Variants in RYR2 observed in about 807,000 individuals in gnomAD.
RYR2 encodes the protein cardiac muscle ryanodine receptor-calcium release channel.
In RYR2, 227 loss-of-function variants were observed where a neutral mutation model predicts 601.1. The ratio of observed to expected loss-of-function variants is 0.38; its 90% CI spans 0.34 to 0.42. The LOEUF (loss-of-function observed/expected upper bound fraction) is 0.42. RYR2 is among the 10% of genes least tolerant of loss of function. The pLI, the probability that RYR2 is intolerant of heterozygous loss-of-function variation, is 1.00. For synonymous variants in RYR2, 2,223 were observed against 2,175.1 expected (o/e 1.02, Z -0.61); for missense variants, 4,646 against 6,156.5 (o/e 0.75, Z 8.21).
rs1188477891 is a variant in RYR2, at chr1:237,427,384, AATAAT to A, written c.1005+4137_1005+4141del. 3.3e-5 allele frequency among the ~76,000 whole-genome samples: 5 copies of A among 152,240 alleles called. No individual in the cohort carries two copies. The East Asian group carries it at 9.6e-4, about 29-fold the overall frequency. On this transcript the variant is annotated intron_variant, in intron 12 of 104. Coordinates refer to ENST00000366574, the MANE Select transcript of RYR2 (RefSeq NM_001035.3). ...GGACTGTATCACAATTTAAAATTAA[AATAAT>A]TTCATATTTGGGCATGCAGCATAAA...
intron 16 of RYR2, among the ~76,000 whole-genome samples, chr1:237,463,335 A>G (rs1402119113): frequency 6.6e-6 from 1 of 152,080 alleles, no homozygotes; most frequent in Non-Finnish European, 1.5e-5. Context: ...TTGTTGCATA[A>G]ATTTTTAAAG....
At chr1:237,831,356 T>C (rs1304749834) in intron 103 of RYR2, among the ~76,000 whole-genome samples, 158 bp from the exon 104 acceptor site, 8 of 152,244 alleles carry the variant, frequency 5.3e-5, no homozygotes, top group African/African-American at 1.9e-4. Context: ...CCACAGCCTT[T>C]CCTCTTTCTG....
chr1:237,508,644 C>A (rs1022067850), intron 23 of RYR2, among the ~76,000 whole-genome samples: 1 of 151,182 alleles, frequency 6.6e-6, no homozygotes, highest in Admixed American at 6.6e-5. Context: ...AATATAAAGT[C>A]TCACTATTAT....
chr1:237,110,637 C>G (rs1669367319), intron 1 of RYR2, among the ~76,000 whole-genome samples: 1 of 152,146 alleles, frequency 6.6e-6, no homozygotes, highest in Non-Finnish European at 1.5e-5. Flanking sequence ...AGAACTCTCG[C>G]TCTAGGCAAA....
At chr1:237,437,343 C>T (rs1054120895) in intron 12 of RYR2, among the ~76,000 whole-genome samples, 5 of 152,060 alleles carry the variant, frequency 3.3e-5, no homozygotes, top group African/African-American at 7.2e-5. Context: ...TGAGCCACCG[C>T]GCCCAGCCAC....
chr1:237,138,231 C>A (rs986023049), intron 1 of RYR2, among the ~76,000 whole-genome samples: 3 of 151,928 alleles, frequency 2.0e-5, no homozygotes, highest in African/African-American at 7.3e-5. Context: ...CGAGGTTTTG[C>A]CATGTTGCCC....
At chr1:237,501,184 T>TTTC (rs1410547219) in intron 21 of RYR2, among the ~76,000 whole-genome samples, 2 of 151,982 alleles carry the variant, frequency 1.3e-5, no homozygotes, top group African/African-American at 4.8e-5. Context: ...TTTTTTTTTT[T>TTTC]TTTTTAGTTC....
chr1:237,657,563 T>C (rs1683372068), intron 53 of RYR2, among the ~76,000 whole-genome samples: 1 of 151,872 alleles, frequency 6.6e-6, no homozygotes, highest in Non-Finnish European at 1.5e-5. Context: ...CATGTATATT[T>C]AAAAATTTTA....
intron 82 of RYR2, 70 bp downstream of exon 82, chr1:237,757,846 T>A: frequency 1.0e-6 from 1 of 985,290 alleles, no homozygotes; most frequent in South Asian, 1.4e-5. Flanking sequence ...GAACTATTTG[T>A]TGTAAAATGT....
chr1:237,770,707 C>T (rs1024421640), intron 84 of RYR2, 100 bp from the exon 85 acceptor site: 24 of 740,886 alleles, frequency 3.2e-5, no homozygotes, highest in Non-Finnish European at 5.4e-5. Flanking sequence ...TGGTTCAGAA[C>T]AATGCTAGAT....
At position 237,199,917 on chromosome 1, in the gene RYR2, T is replaced by A. The variant is rs564643358; in HGVS notation, c.49-70580T>A. Among the ~76,000 whole-genome samples the A allele has an allele frequency of 1.0e-3, 155 of 152,348 alleles. 1 individual carries two copies. Among genetic ancestry groups the A allele is most frequent in the Middle Eastern group, 3.4e-3 (1 of 294 alleles). ...TAAATAAATTCCAAATTGTGCCAAT[T>A]TGAATTTACATCAGAAATGTTCGTT... On this transcript the variant is annotated intron_variant, in intron 1 of 104. Coordinates refer to ENST00000366574, the MANE Select transcript of RYR2 (RefSeq NM_001035.3).
At chr1:237,812,572 G>A (rs947503907) in intron 100 of RYR2, among the ~76,000 whole-genome samples, 1 of 152,154 alleles carries the variant, frequency 6.6e-6, no homozygotes, top group African/African-American at 2.4e-5. Flanking sequence ...ACTAGACAGG[G>A]AAATAGAAAT....
chr1:237,377,498 T>G, intron 8 of RYR2, 63 bp downstream of exon 8: 1 of 1,243,154 alleles, frequency 8.0e-7, no homozygotes, highest in Non-Finnish European at 1.2e-6. Context: ...AATAAAATGA[T>G]CTCTTTAAGG....
chr1:237,341,977 C>T (rs1180716062), intron 3 of RYR2, among the ~76,000 whole-genome samples: 2 of 152,108 alleles, frequency 1.3e-5, no homozygotes, highest in South Asian at 4.1e-4. Flanking sequence ...GTGTCCCAGT[C>T]TGGATGAGAA....
In RYR2 at chr1:237,701,962, TTC is replaced by T. The variant is rs1488434080; in HGVS notation, c.9368-12_9368-11del. On this transcript the variant is annotated splice_polypyrimidine_tract_variant and intron_variant, in intron 65 of 104. Coordinates refer to ENST00000366574, the MANE Select transcript of RYR2 (RefSeq NM_001035.3). Reference sequence around the variant, plus strand: ...AAGTGGGTTTTTCTTTCAAGTGAGATTCTCTTTTTCCTTAGTGGAAGATGTCC... The same window carrying T: ...AAGTGGGTTTTTCTTTCAAGTGAGATTCTTTTTCCTTAGTGGAAGATGTCC... The T allele has an allele frequency of 6.6e-7, 1 of 1,505,392 alleles. No homozygotes were observed. The highest frequency in any genetic ancestry group is 9.2e-7 in the Non-Finnish European group (1 of 1,084,386). 93.3% of individuals were successfully genotyped at this position (1,505,392 alleles called of 1,614,324 possible).
At chr1:237,342,665 C>A (rs1697930041) in intron 3 of RYR2, among the ~76,000 whole-genome samples, 1 of 152,082 alleles carries the variant, frequency 6.6e-6, no homozygotes, top group Non-Finnish European at 1.5e-5. Flanking sequence ...TGAGATCAGG[C>A]CACATGTGAC....
chr1:237,666,701 A>G, intron 57 of RYR2, 112 bp downstream of exon 57: 3 of 800,378 alleles, frequency 3.7e-6, no homozygotes, highest in Non-Finnish European at 6.1e-6. Context: ...GTGGCGATCT[A>G]TAATGGATCC....
intron 6 of RYR2, among the ~76,000 whole-genome samples, chr1:237,372,227 A>G (rs1700699237): frequency 6.6e-6 from 1 of 152,244 alleles, no homozygotes; most frequent in African/African-American, 2.4e-5. Context: ...ATTTAATAAT[A>G]TCATTTCTTT....
intron 1 of RYR2, among the ~76,000 whole-genome samples, chr1:237,249,494 T>C (rs1445369013): frequency 6.6e-6 from 1 of 152,252 alleles, no homozygotes; most frequent in African/African-American, 2.4e-5. Flanking sequence ...TCATATATTT[T>C]ACTTACTTTG....
Sources: gnomAD v4.1 joint callset for allele counts (sites outside exome capture counted in the v4.1 genomes callset) on GRCh38, gnomAD v4.1.1 for gene constraint, MANE v1.5 for transcripts, NCBI Gene and HGNC (gene_info 2026-07-23, HGNC 2026-07-21) for gene names.